NKAIN2: variants seen among roughly 807,000 people sequenced by gnomAD.
NKAIN2 encodes sodium/potassium-transporting ATPase subunit beta-1-interacting protein 2.
Under a neutral mutation model 32.6 loss-of-function variants are expected in NKAIN2, and 14 were observed. That is an observed-to-expected ratio of 0.43 (90% CI 0.28 to 0.67). The LOEUF (loss-of-function observed/expected upper bound fraction) is 0.67, where lower values mean the gene tolerates loss of function less well. Among genes scored for constraint, NKAIN2 ranks in the 30% least tolerant of loss-of-function variants. NKAIN2 has a pLI of 0.17. For missense variants in NKAIN2, 198 were observed against 258.3 expected, an observed-to-expected ratio of 0.77 and a Z score of 1.60; for synonymous variants, 80 against 87.2, an observed-to-expected ratio of 0.92 and a Z score of 0.46.
At position 124,202,724 on chromosome 6, in the gene NKAIN2, G is replaced by A. The variant is rs1362117833; in HGVS notation, c.55-80281G>A. Among the ~76,000 whole-genome samples, 8 of 151,846 alleles carry A rather than the reference G, an allele frequency of 5.3e-5. No individual in the cohort carries two copies. The East Asian group carries it at 5.8e-4, about 11-fold the overall frequency. ...CAAAATTGTTGGGACAGCTGGACAC[G>A]TTACCCCTAAAATGCCTGATGATGC... On this transcript the variant is annotated intron_variant, in intron 1 of 6. Transcript: ENST00000368417.
At chr6:124,547,339 C>T (rs1200142518) in intron 3 of NKAIN2, among the ~76,000 whole-genome samples, 3 of 151,930 alleles carry the variant, frequency 2.0e-5, no homozygotes, top group Non-Finnish European at 4.4e-5. Flanking sequence ...ATAGAAAGAG[C>T]ATTCTATTGT....
intron 3 of NKAIN2, among the ~76,000 whole-genome samples, chr6:124,438,350 A>G (rs1318510765): frequency 6.6e-6 from 1 of 152,114 alleles, no homozygotes; most frequent in African/African-American, 2.4e-5. Context: ...ATGCATTGCT[A>G]TCTTCTGCCA....
intron 4 of NKAIN2, among the ~76,000 whole-genome samples, chr6:124,712,838 TA>T (rs1355992679): frequency 6.6e-6 from 1 of 151,962 alleles, no homozygotes; most frequent in African/African-American, 2.4e-5. Flanking sequence ...CCCTAAACTC[TA>T]GTTGGTTTTA....
chr6:123,901,359 T>G (rs995903852), intron 1 of NKAIN2, among the ~76,000 whole-genome samples: 4 of 152,184 alleles, frequency 2.6e-5, no homozygotes, highest in African/African-American at 9.6e-5. Flanking sequence ...ATTTGAGGTC[T>G]TAGAAACACT....
At chr6:124,233,386 C>T (rs1253643458) in intron 1 of NKAIN2, among the ~76,000 whole-genome samples, 2 of 152,174 alleles carry the variant, frequency 1.3e-5, no homozygotes, top group East Asian at 3.9e-4. Flanking sequence ...GAGTTTTGCT[C>T]TTTCCCACCT....
intron 3 of NKAIN2, among the ~76,000 whole-genome samples, chr6:124,419,996 T>C (rs1774675650): frequency 6.6e-6 from 1 of 152,108 alleles, no homozygotes; most frequent in Non-Finnish European, 1.5e-5. Flanking sequence ...ACTGTTCATA[T>C]AGGGAGGAGA....
At position 124,253,043 on chromosome 6, in the gene NKAIN2, G is replaced by T. The variant is rs1222655218; in HGVS notation, c.55-29962G>T. 2.0e-5 allele frequency among the ~76,000 whole-genome samples: 3 copies of T among 152,092 alleles called. No individual in the cohort carries two copies. In the East Asian group the frequency reaches 5.8e-4, roughly 29 times the overall value. ...AACAAAGAGAGGAAAAATACCAAGT[G>T]GTACCTGGATTGGTTTCACACTGAA... On this transcript the variant is annotated intron_variant, in intron 1 of 6. Coordinates refer to ENST00000368417, the MANE Select transcript of NKAIN2 (RefSeq NM_001040214.3).
intron 3 of NKAIN2, 62 bp from the exon 4 acceptor site, chr6:124,658,124 C>A: frequency 7.6e-7 from 1 of 1,313,308 alleles, no homozygotes; most frequent in Non-Finnish European, 1.0e-6. Context: ...GCAAGTCAGT[C>A]CCAAGTAAGC....
intron 3 of NKAIN2, among the ~76,000 whole-genome samples, chr6:124,501,205 T>C (rs944632517): frequency 6.6e-6 from 1 of 152,158 alleles, no homozygotes; most frequent in Admixed American, 6.5e-5. Flanking sequence ...ACAGTGTTTC[T>C]GGACACAGAT....
At chr6:124,585,020 C>T (rs1024526664) in intron 3 of NKAIN2, among the ~76,000 whole-genome samples, 2 of 152,180 alleles carry the variant, frequency 1.3e-5, no homozygotes, top group Admixed American at 6.5e-5. Flanking sequence ...ATGTTTATTA[C>T]AGCACTATTT....
At chr6:124,704,040 A>G (rs1039836739) in intron 4 of NKAIN2, among the ~76,000 whole-genome samples, 17 of 152,012 alleles carry the variant, frequency 1.1e-4, no homozygotes, top group African/African-American at 4.1e-4. Context: ...TTGCATGTAT[A>G]CCAAAATGGG....
rs1440313547 is a variant in NKAIN2 at position 124,155,503 on chromosome 6, GA to G, written c.55-127500del. On this transcript the variant is annotated intron_variant, in intron 1 of 6. Coordinates refer to ENST00000368417, the MANE Select transcript of NKAIN2 (RefSeq NM_001040214.3). Reference sequence around the variant, plus strand: ...GTAAAGAATGAACAGGCCAATGAAGGAAGAGCTTGGAATTTAGGGGAAATCA... The same window carrying G: ...GTAAAGAATGAACAGGCCAATGAAGGAGAGCTTGGAATTTAGGGGAAATCA... 7.9e-5 allele frequency among the ~76,000 whole-genome samples: 12 copies of G among 151,832 alleles called. No homozygotes were observed. In the South Asian group the frequency reaches 1.7e-3, roughly 21 times the overall value.
In NKAIN2 at chr6:124,594,974, C is replaced by T. The variant is rs905598632; in HGVS notation, c.274-63212C>T. Among the ~76,000 whole-genome samples, 4 of 151,960 alleles carry T rather than the reference C, an allele frequency of 2.6e-5. No individual in the cohort carries two copies. The South Asian group carries it at 8.3e-4, about 32-fold the overall frequency. On this transcript the variant is annotated intron_variant, in intron 3 of 6. Coordinates refer to ENST00000368417, the MANE Select transcript of NKAIN2 (RefSeq NM_001040214.3). The stretch of plus-strand genomic sequence containing the variant: ...TGAGGTAATTTCTCCCTGAAGGGCT[C>T]AGTGAAGTGGGAGTCAGAGTCATTT...
At chr6:123,951,357 G>T (rs1270933014) in intron 1 of NKAIN2, among the ~76,000 whole-genome samples, 1 of 151,970 alleles carries the variant, frequency 6.6e-6, no homozygotes, top group Non-Finnish European at 1.5e-5. Flanking sequence ...AGAGTGAAGT[G>T]TTGATTTCTT....
intron 1 of NKAIN2, among the ~76,000 whole-genome samples, chr6:124,127,146 T>G (rs1786214781): frequency 6.6e-6 from 1 of 152,178 alleles, no homozygotes; most frequent in African/African-American, 2.4e-5. Context: ...ATCAGTGATG[T>G]AAGAACTATT....
At position 124,805,360 on chromosome 6, in the gene NKAIN2, C is replaced by G. The variant is rs574036390; in HGVS notation, c.536-13027C>G. Among the ~76,000 whole-genome samples the G allele has an allele frequency of 6.6e-5, 10 of 152,336 alleles. No individual in the cohort carries two copies. The South Asian group carries it at 2.1e-3, about 32-fold the overall frequency. ...AAAAACCACTGTTCTGCAGACACCG[C>G]TGCTGACACCCAGGCAAACAGGGTC... is the stretch of plus-strand genomic sequence containing the variant. On this transcript the variant is annotated intron_variant, in intron 5 of 6. Coordinates refer to ENST00000368417, the MANE Select transcript of NKAIN2 (RefSeq NM_001040214.3).
intron 3 of NKAIN2, among the ~76,000 whole-genome samples, chr6:124,630,120 T>C (rs1026420769): frequency 3.3e-5 from 5 of 152,088 alleles, no homozygotes; most frequent in African/African-American, 1.2e-4. Context: ...AGGTTTAAAG[T>C]AAAGCAGGTA....
chr6:124,241,472 A>G (rs1255087713), intron 1 of NKAIN2, among the ~76,000 whole-genome samples: 1 of 152,212 alleles, frequency 6.6e-6, no homozygotes, highest in Non-Finnish European at 1.5e-5. Context: ...TGGAGGCATC[A>G]CGCTACCTGA....
At chr6:124,105,168 A>C (rs2114957654) in intron 1 of NKAIN2, among the ~76,000 whole-genome samples, 1 of 152,342 alleles carries the variant, frequency 6.6e-6, no homozygotes, top group South Asian at 2.1e-4. Context: ...TTGAACAGGA[A>C]AAATCTCATG....
Sources: allele counts gnomAD v4.1 joint callset (sites outside exome capture counted in the v4.1 genomes callset), GRCh38; gene constraint gnomAD v4.1.1; transcripts MANE v1.5; gene names NCBI Gene and HGNC (gene_info 2026-07-23, HGNC 2026-07-21).